The following DMD variants were observed in gnomAD, a reference collection of about 807,000 sequenced individuals.
DMD encodes the protein dystrophin, also known as mutant dystrophin.
Under a neutral mutation model 330.1 loss-of-function variants are expected in DMD, and 63 were observed. The observed-to-expected ratio is 0.19, with a 90% CI of 0.16 to 0.24. The LOEUF is 0.24. DMD is among the 10% of genes least tolerant of loss of function. DMD has a pLI of 1.00. For missense variants in DMD, 3,344 were observed against 2,684.1 expected, an observed-to-expected ratio of 1.25 and a Z score of -5.43; for synonymous variants, 1,223 against 959.8, an observed-to-expected ratio of 1.27 and a Z score of -5.07.
chrX:31,530,745 T>C lies in DMD; in HGVS notation c.8218-23292A>G, dbSNP rs372735161. Among the ~76,000 whole-genome samples, 289 of 65,937 alleles carry C rather than the reference T, an allele frequency of 4.4e-3. 6 individuals carry two copies. The highest frequency in any genetic ancestry group is 0.034 in the East Asian group (59 of 1,744). 57.3% of individuals were successfully genotyped at this position (65,937 alleles called of 115,157 possible). On this transcript the variant is annotated intron_variant, in intron 55 of 78. Transcript: ENST00000357033. ...ATTGTGCAGGTTAGTTACATATGTA[T>C]ACATGTGCCATGCTGGTGCGCTGCA...
intron 42 of DMD, among the ~76,000 whole-genome samples, chrX:32,293,309 G>A (rs948888261): frequency 8.9e-6 from 1 of 112,099 alleles, no homozygotes; most frequent in African/African-American, 3.2e-5. Flanking sequence ...GGTGTTTAGG[G>A]TGAAAAGAGT....
chrX:33,146,045 C>A (rs1012205571), intron 1 of DMD, among the ~76,000 whole-genome samples: 1 of 110,149 alleles, frequency 9.1e-6, no homozygotes, highest in Non-Finnish European at 1.9e-5. Context: ...CACTACCACA[C>A]CCAGCTCATT....
intron 29 of DMD, among the ~76,000 whole-genome samples, chrX:32,413,707 ATTCTT>A (rs2098153849): frequency 1.2e-5 from 1 of 86,612 alleles, no homozygotes; most frequent in Admixed American, 1.2e-4. Context: ...TAAAAGCTCT[ATTCTT>A]TTTTTTTTTT....
chrX:32,802,685 G>C (rs940195435), intron 7 of DMD, among the ~76,000 whole-genome samples: 22 of 111,536 alleles, frequency 2.0e-4, no homozygotes, highest in African/African-American at 7.2e-4. Flanking sequence ...AGCATGAAGG[G>C]TAGTGAATTT....
intron 60 of DMD, among the ~76,000 whole-genome samples, chrX:31,376,223 T>C (rs956421703): frequency 5.3e-5 from 6 of 112,190 alleles, no homozygotes; most frequent in Non-Finnish European, 1.1e-4. Flanking sequence ...ATCACCACCA[T>C]AACCTTTCGA....
intron 49 of DMD, among the ~76,000 whole-genome samples, chrX:31,821,922 A>G (rs779328792): frequency 1.8e-5 from 2 of 112,262 alleles, no homozygotes; most frequent in Non-Finnish European, 1.9e-5. Flanking sequence ...AATGAACCCA[A>G]CCTAACTGGA....
intron 51 of DMD, among the ~76,000 whole-genome samples, chrX:31,763,996 C>G (rs2089820030): frequency 9.0e-6 from 1 of 111,126 alleles, no homozygotes; most frequent in African/African-American, 3.3e-5. Flanking sequence ...TCACCTCAGC[C>G]TCCTGAGTAG....
At chrX:31,350,317 T>A (rs1352318580) in intron 60 of DMD, among the ~76,000 whole-genome samples, 1 of 111,663 alleles carries the variant, frequency 9.0e-6, no homozygotes, top group Non-Finnish European at 1.9e-5. Context: ...TACTTCCTCA[T>A]CTCCCAGGTT....
intron 64 of DMD, among the ~76,000 whole-genome samples, chrX:31,216,507 C>T (rs568686734): frequency 1.8e-5 from 2 of 112,241 alleles, no homozygotes; most frequent in African/African-American, 6.5e-5. Context: ...GAGACATGGC[C>T]TCTAACCTAT....
intron 2 of DMD, among the ~76,000 whole-genome samples, chrX:32,982,096 T>C (rs2092721535): frequency 8.9e-6 from 1 of 111,916 alleles, no homozygotes; most frequent in African/African-American, 3.2e-5. Flanking sequence ...TTCTATAATA[T>C]ATGTCACCCT....
At chrX:32,528,938 T>G (rs1190300338) in intron 17 of DMD, among the ~76,000 whole-genome samples, 6 of 101,764 alleles carry the variant, frequency 5.9e-5, no homozygotes, top group Admixed American at 4.4e-4. Flanking sequence ...TTTTATTTTT[T>G]TCAGACGGAG....
chrX:33,049,936 G>T (rs2094436993), intron 1 of DMD, among the ~76,000 whole-genome samples: 1 of 111,401 alleles, frequency 9.0e-6, no homozygotes, highest in African/African-American at 3.3e-5. Context: ...CACAGTATTT[G>T]CAAATATATT....
chrX:33,209,051 T>A (rs1053609073), intron 1 of DMD, among the ~76,000 whole-genome samples: 3 of 111,453 alleles, frequency 2.7e-5, no homozygotes, highest in African/African-American at 9.7e-5. Context: ...AAGAGGAAGC[T>A]GTATTAATAT....
chrX:31,383,246 C>T (rs764690315), intron 60 of DMD, among the ~76,000 whole-genome samples: 1 of 111,443 alleles, frequency 9.0e-6, no homozygotes, highest in Non-Finnish European at 1.9e-5. Context: ...TCTTATAGAA[C>T]GGCCCTACCC....
chrX:32,843,715 A>T (rs1450167369), intron 4 of DMD, among the ~76,000 whole-genome samples: 1 of 111,751 alleles, frequency 8.9e-6, no homozygotes, highest in Non-Finnish European at 1.9e-5. Context: ...GGAGCTACTA[A>T]GTGCCTGGTG....
intron 2 of DMD, among the ~76,000 whole-genome samples, chrX:33,014,299 T>C (rs911772957): frequency 8.9e-6 from 1 of 111,799 alleles, no homozygotes; most frequent in African/African-American, 3.2e-5. Flanking sequence ...CAGCAAAACC[T>C]TCCGTGTTCA....
At chrX:32,595,683 A>G (rs2055438213) in intron 13 of DMD, 74 bp downstream of exon 13, 2 of 1,040,218 alleles carry the variant, frequency 1.9e-6, no homozygotes, top group Non-Finnish European at 2.7e-6. Context: ...ATTGCATTCT[A>G]AATTTTTAAA....
At chrX:33,081,390 T>C (rs938742145) in intron 1 of DMD, among the ~76,000 whole-genome samples, 5 of 111,821 alleles carry the variant, frequency 4.5e-5, no homozygotes, top group Admixed American at 1.9e-4. Context: ...TCTCCTGCCT[T>C]AGCCTCTCAA....
chrX:32,433,069 G>A (rs2098244937), intron 29 of DMD, among the ~76,000 whole-genome samples: 2 of 112,369 alleles, frequency 1.8e-5, no homozygotes, highest in Non-Finnish European at 3.8e-5. Context: ...AAGAGAAGTG[G>A]TAAAGGCTTT....
Sources: gnomAD v4.1 joint callset for allele counts (sites outside exome capture counted in the v4.1 genomes callset) on GRCh38, gnomAD v4.1.1 for gene constraint, MANE v1.5 for transcripts, NCBI Gene and HGNC (gene_info 2026-07-23, HGNC 2026-07-21) for gene names.